Variants in MLKL observed in about 807,000 individuals in gnomAD.
The protein encoded by MLKL is mixed lineage kinase domain like pseudokinase.
A neutral mutation model predicts 56.5 loss-of-function variants in MLKL; 55 were observed. The ratio of observed to expected loss-of-function variants is 0.97; its 90% CI spans 0.78 to 1.22. The LOEUF (loss-of-function observed/expected upper bound fraction) is 1.22. Among genes scored for constraint, MLKL ranks in the 50% most tolerant of loss-of-function variants. MLKL has a pLI of 0.00. For synonymous variants in MLKL, 251 were observed against 208.3 expected (o/e 1.20, Z -1.76); for missense variants, 694 against 573.9 (o/e 1.21, Z -2.14).
intron 2 of MLKL, among the ~76,000 whole-genome samples, chr16:74,692,723 G>T (rs956688486): frequency 3.9e-5 from 6 of 152,266 alleles, no homozygotes; most frequent in African/African-American, 1.4e-4. Context: ...AGTGAGGAAA[G>T]TTTGCGTCAA....
intron 6 of MLKL, among the ~76,000 whole-genome samples, chr16:74,679,966 C>T (rs755289817): frequency 5.3e-5 from 8 of 152,138 alleles, no homozygotes; most frequent in Admixed American, 1.3e-4. Context: ...CAGGTGGTCT[C>T]GCGGAGACCT....
At chr16:74,699,069 C>A (rs1276278772) in intron 1 of MLKL, among the ~76,000 whole-genome samples, 4 of 152,006 alleles carry the variant, frequency 2.6e-5, no homozygotes, top group African/African-American at 9.7e-5. Flanking sequence ...GCCGAGATCA[C>A]ACCACTGTGC....
chr16:74,676,260 C>T (rs1221298879), intron 7 of MLKL: 5 of 989,778 alleles, frequency 5.1e-6, no homozygotes, highest in South Asian at 4.6e-5. Flanking sequence ...TTGGCTTTGG[C>T]GTGACGAGTG....
intron 4 of MLKL, among the ~76,000 whole-genome samples, chr16:74,688,556 A>C (rs1960476649): frequency 6.6e-6 from 1 of 152,028 alleles, no homozygotes; most frequent in Non-Finnish European, 1.5e-5. Context: ...ACCACTAAAA[A>C]TACAAAAATT....
intron 1 of MLKL, among the ~76,000 whole-genome samples, chr16:74,700,093 TAAAA>T (rs1961294302): frequency 6.6e-6 from 1 of 151,858 alleles, no homozygotes; most frequent in African/African-American, 2.4e-5. Flanking sequence ...AAAAATAAAA[TAAAA>T]TAAGTAAAGG....
intron 5 of MLKL, among the ~76,000 whole-genome samples, chr16:74,684,056 T>A (rs1219657796): frequency 3.9e-5 from 6 of 152,152 alleles, no homozygotes; most frequent in Admixed American, 3.3e-4. Flanking sequence ...CACGCAATTC[T>A]CCTGCCTCAG....
chr16:74,675,898 G>A (rs1348536566), intron 7 of MLKL, 134 bp from the exon 8 acceptor site: 3 of 932,090 alleles, frequency 3.2e-6, no homozygotes, highest in African/African-American at 1.7e-5. Context: ...CGTGACTTCT[G>A]TCTGTGTGGC....
chr16:74,694,561 TCTACACCAGCC>T (rs896480523), intron 2 of MLKL, among the ~76,000 whole-genome samples: 12 of 152,048 alleles, frequency 7.9e-5, no homozygotes, highest in Admixed American at 2.6e-4. Context: ...GGCCAGGAGT[TCTACACCAGCC>T]TGGGCAACAT....
intron 10 of MLKL, among the ~76,000 whole-genome samples, chr16:74,673,024 T>C (rs1359616052): frequency 1.3e-5 from 2 of 152,072 alleles, no homozygotes; most frequent in African/African-American, 2.4e-5. Flanking sequence ...TTCTGAAAGG[T>C]AGGGATGTGG....
chr16:74,686,289 A>G (rs1960322009), intron 4 of MLKL, among the ~76,000 whole-genome samples: 2 of 152,088 alleles, frequency 1.3e-5, no homozygotes, highest in South Asian at 4.2e-4. Context: ...ATGAATAAAA[A>G]TAATGATACT....
At chr16:74,693,462 A>AAAG (rs1555534184) in intron 2 of MLKL, among the ~76,000 whole-genome samples, 47 of 95,506 alleles carry the variant, frequency 4.9e-4, no homozygotes, top group Non-Finnish European at 8.5e-4. Flanking sequence ...TCAAAAAAAA[A>AAAG]AAAAAAGAAA....
At chr16:74,688,831 G>C (rs1033596138) in intron 4 of MLKL, among the ~76,000 whole-genome samples, 1 of 152,138 alleles carries the variant, frequency 6.6e-6, no homozygotes, top group African/African-American at 2.4e-5. Context: ...TGGATAAGTA[G>C]GATATCCATA....
chr16:74,672,603 A>G (rs1250613458), intron 10 of MLKL, 65 bp from the exon 11 acceptor site: 2 of 1,455,564 alleles, frequency 1.4e-6, no homozygotes, highest in East Asian at 2.3e-5. Flanking sequence ...AGAAACACAA[A>G]GACATTTCTA....
At chr16:74,695,188 A>G (rs1319366268) in intron 2 of MLKL, 110 bp downstream of exon 2, 2 of 1,184,684 alleles carry the variant, frequency 1.7e-6, no homozygotes, top group South Asian at 1.4e-5. Flanking sequence ...TTTGAGGTAC[A>G]AGTATATTAC....
At position 74,695,547 on chromosome 16, in the gene MLKL, C is replaced by T. The variant is rs1222613938; in HGVS notation, c.211G>A (p.Glu71Lys). 1.9e-6 allele frequency: 3 copies of T among 1,614,090 alleles called. No homozygotes were observed. Among genetic ancestry groups the T allele is most frequent in the Non-Finnish European group, 1.7e-6 (2 of 1,180,054 alleles). ...AMNRFKAALEEANGEIEKFSN... is the reference protein window; with the variant it reads ...AMNRFKAALEKANGEIEKFSN... ...AACTTTTCTATCTCCCCATTAGCCT[C>T]CTCCAGGGCAGCCTTGAAGCGGTTC... Residue 71 changes from glutamate to lysine, a missense_variant, in exon 2 of 11, where the codon GAG becomes AAG. Glu to Lys is a moderately conservative substitution (Grantham distance 56). Transcript: ENST00000308807.
chr16:74,682,835 T>C, intron 5 of MLKL, 49 bp from the exon 6 acceptor site: 1 of 1,605,050 alleles, frequency 6.2e-7, no homozygotes. Context: ...ACTTGAAGCT[T>C]CCCATGTCTG....
intron 2 of MLKL, among the ~76,000 whole-genome samples, chr16:74,694,518 A>G (rs1960901969): frequency 6.6e-6 from 1 of 151,938 alleles, no homozygotes; most frequent in Non-Finnish European, 1.5e-5. Flanking sequence ...TAATCCCAGC[A>G]CTTTGGGAGG....
intron 1 of MLKL, among the ~76,000 whole-genome samples, chr16:74,696,637 AT>A (rs1044014609): frequency 7.3e-5 from 11 of 151,684 alleles, no homozygotes; most frequent in East Asian, 1.9e-4. Context: ...AATAAAAAAA[AT>A]AAAATAAAAT....
At chr16:74,674,410 C>A (rs1028404240) in intron 10 of MLKL, among the ~76,000 whole-genome samples, 1 of 151,666 alleles carries the variant, frequency 6.6e-6, no homozygotes, top group African/African-American at 2.4e-5. Context: ...ACCTTGGCCT[C>A]GCAAAATGTT....
Sources: gnomAD v4.1 joint callset for allele counts (sites outside exome capture counted in the v4.1 genomes callset) on GRCh38, gnomAD v4.1.1 for gene constraint, MANE v1.5 for transcripts, NCBI Gene and HGNC (gene_info 2026-07-23, HGNC 2026-07-21) for gene names.